The following RBFOX1 variants were observed in gnomAD, a reference collection of about 807,000 sequenced individuals.
The protein encoded by RBFOX1 is RNA binding protein fox-1 homolog 1.
A neutral mutation model predicts 57.7 loss-of-function variants in RBFOX1; 8 were observed. The observed-to-expected ratio is 0.14, with a 90% CI of 0.08 to 0.25. The LOEUF is 0.25. Among genes scored for constraint, RBFOX1 ranks in the 10% least tolerant of loss-of-function variants. The probability of loss-of-function intolerance (pLI) is 1.00; values close to 1 mark genes in which losing one functional copy is unlikely to be tolerated. For synonymous variants in RBFOX1, 326 were observed against 222.4 expected (o/e 1.47, Z -4.15); for missense variants, 611 against 548.5 (o/e 1.11, Z -1.14).
chr16:6,316,317 G>C (rs536780893), intron 1 of RBFOX1, among the ~76,000 whole-genome samples: 1 of 152,218 alleles, frequency 6.6e-6, no homozygotes, highest in South Asian at 2.1e-4. Flanking sequence ...GTGATATTTG[G>C]TTTATTTAAA....
intron 2 of RBFOX1, among the ~76,000 whole-genome samples, chr16:6,584,072 C>G (rs1454532703): frequency 6.6e-6 from 1 of 150,982 alleles, no homozygotes; most frequent in Non-Finnish European, 1.5e-5. Flanking sequence ...ATAAAGTCAA[C>G]TGCAAATACT....
At chr16:5,991,555 G>C in intron 4 of RBFOX1, among the ~76,000 whole-genome samples, 1 of 151,998 alleles carries the variant, frequency 6.6e-6, no homozygotes, top group East Asian at 1.9e-4. Context: ...GGAGCTGGGA[G>C]ATCTGTACTC....
intron 2 of RBFOX1, among the ~76,000 whole-genome samples, chr16:6,469,631 G>A (rs968527621): frequency 2.6e-5 from 4 of 152,270 alleles, no homozygotes; most frequent in African/African-American, 4.8e-5. Flanking sequence ...TTTGATAGCC[G>A]GTGGAATCAC....
intron 1 of RBFOX1, among the ~76,000 whole-genome samples, chr16:6,078,134 C>G (rs942400883): frequency 6.6e-6 from 1 of 152,166 alleles, no homozygotes; most frequent in African/African-American, 2.4e-5. Context: ...TGTGTCCTTT[C>G]TCAGTCCCAC....
At chr16:5,767,815 C>G (rs990783713) in intron 3 of RBFOX1, among the ~76,000 whole-genome samples, 1 of 152,130 alleles carries the variant, frequency 6.6e-6, no homozygotes, top group Non-Finnish European at 1.5e-5. Flanking sequence ...GAGGGGCTCT[C>G]GACTTTGGCC....
chr16:7,289,337 T>C, intron 4 of RBFOX1, among the ~76,000 whole-genome samples: 1 of 152,142 alleles, frequency 6.6e-6, no homozygotes, highest in Non-Finnish European at 1.5e-5. Context: ...AAGGTCAATG[T>C]ACATTGCCTT....
At chr16:5,315,669 A>G (rs2064217246) in intron 1 of RBFOX1, among the ~76,000 whole-genome samples, 1 of 152,184 alleles carries the variant, frequency 6.6e-6, no homozygotes. Flanking sequence ...AATTTAAGCC[A>G]TTTTAAATTT....
intron 4 of RBFOX1, among the ~76,000 whole-genome samples, chr16:7,345,935 G>A (rs567045365): frequency 3.3e-5 from 5 of 151,948 alleles, no homozygotes; most frequent in African/African-American, 4.8e-5. Context: ...CCATTAACTC[G>A]TCATTTACAT....
chr16:6,445,276 A>T (rs906678870), intron 2 of RBFOX1, among the ~76,000 whole-genome samples: 95 of 152,180 alleles, frequency 6.2e-4, no homozygotes, highest in African/African-American at 2.3e-3. Context: ...TGTAGGGTAC[A>T]TGTGCTCAAC....
chr16:6,027,935 A>T (rs1307294976), intron 1 of RBFOX1, among the ~76,000 whole-genome samples: 1 of 152,220 alleles, frequency 6.6e-6, no homozygotes, highest in African/African-American at 2.4e-5. Flanking sequence ...AGCCATATGC[A>T]TGGGCTCTGA....
intron 3 of RBFOX1, among the ~76,000 whole-genome samples, chr16:6,922,159 G>A (rs113537116): frequency 2.6e-5 from 4 of 152,264 alleles, no homozygotes; most frequent in African/African-American, 9.6e-5. Flanking sequence ...CACAGGGGAG[G>A]ATGTGAAATG....
At position 6,671,268 on chromosome 16, in the gene RBFOX1, A is replaced by G. The variant is rs566898239; in HGVS notation, c.-16+16618A>G. On this transcript the variant is annotated intron_variant, in intron 3 of 15. Coordinates refer to ENST00000550418, the MANE Select transcript of RBFOX1 (RefSeq NM_018723.4). The stretch of plus-strand genomic sequence containing the variant: ...TAATGGCTTCTTATGCTCAGCACAG[A>G]ACATGATAGAGTATTATGCGGCTAT... Among the ~76,000 whole-genome samples the G allele has an allele frequency of 6.6e-5, 10 of 152,328 alleles. No individual in the cohort carries two copies. The South Asian group carries it at 2.1e-3, about 32-fold the overall frequency.
intron 3 of RBFOX1, among the ~76,000 whole-genome samples, chr16:6,992,560 G>C (rs1350016376): frequency 2.0e-5 from 3 of 151,972 alleles, no homozygotes; most frequent in Non-Finnish European, 4.4e-5. Flanking sequence ...GGTCAGCTTG[G>C]GTTCCTCAGT....
At chr16:6,841,918 C>G (rs1000942832) in intron 3 of RBFOX1, among the ~76,000 whole-genome samples, 1 of 151,398 alleles carries the variant, frequency 6.6e-6, no homozygotes, top group Non-Finnish European at 1.5e-5. Context: ...GCGGGTGGAT[C>G]ACGAGGTCAG....
intron 3 of RBFOX1, among the ~76,000 whole-genome samples, chr16:7,026,674 C>T (rs1393930742): frequency 6.6e-6 from 1 of 152,184 alleles, no homozygotes; most frequent in Non-Finnish European, 1.5e-5. Flanking sequence ...AAATACTGTC[C>T]CTGTACCTCT....
intron 2 of RBFOX1, among the ~76,000 whole-genome samples, chr16:5,532,815 A>G (rs1317487723): frequency 6.6e-6 from 1 of 152,134 alleles, no homozygotes; most frequent in African/African-American, 2.4e-5. Flanking sequence ...GCAGAGAGAA[A>G]TAGCTGTGGG....
intron 4 of RBFOX1, among the ~76,000 whole-genome samples, chr16:7,217,581 A>G (rs1299209965): frequency 6.6e-6 from 1 of 152,106 alleles, no homozygotes; most frequent in Non-Finnish European, 1.5e-5. Flanking sequence ...AGGCATGACA[A>G]AGGGTCATGA....
chr16:7,400,688 C>T (rs899048908), intron 4 of RBFOX1, among the ~76,000 whole-genome samples: 2 of 152,144 alleles, frequency 1.3e-5, no homozygotes, highest in Non-Finnish European at 2.9e-5. Context: ...ATGATGTCCA[C>T]AGAGCTAGGG....
intron 3 of RBFOX1, among the ~76,000 whole-genome samples, chr16:6,986,057 T>G (rs561148583): frequency 1.3e-5 from 2 of 151,752 alleles, no homozygotes; most frequent in South Asian, 4.2e-4. Flanking sequence ...ATTTTTAAAT[T>G]TCATTTGTCT....
Sources: allele counts gnomAD v4.1 joint callset (sites outside exome capture counted in the v4.1 genomes callset), GRCh38; gene constraint gnomAD v4.1.1; transcripts MANE v1.5; gene names NCBI Gene and HGNC (gene_info 2026-07-23, HGNC 2026-07-21).